TMEM135: variants seen among roughly 807,000 people sequenced by gnomAD.
The protein encoded by TMEM135 is peroxisomal membrane protein 52.
Under a neutral mutation model 60.3 loss-of-function variants are expected in TMEM135, and 30 were observed. That is an observed-to-expected ratio of 0.50 (90% CI 0.37 to 0.68). The LOEUF (loss-of-function observed/expected upper bound fraction) is 0.68, where lower values mean the gene tolerates loss of function less well. Among genes scored for constraint, TMEM135 ranks in the 30% least tolerant of loss-of-function variants. TMEM135 has a pLI of 0.00. For synonymous variants in TMEM135, 190 were observed against 186.7 expected (o/e 1.02, Z -0.14); for missense variants, 468 against 548.8 (o/e 0.85, Z 1.47).
intron 1 of TMEM135, among the ~76,000 whole-genome samples, chr11:87,062,015 T>G (rs1228695372): frequency 1.3e-5 from 2 of 152,162 alleles, no homozygotes; most frequent in African/African-American, 2.4e-5. Flanking sequence ...TGGGTACTTT[T>G]TTTTTCTTGA....
rs1418821309 is a variant in TMEM135 at position 87,327,407 on chromosome 11, A to G, written c.*6074A>G. 4.4e-6 allele frequency: 2 copies of G among 454,006 alleles called. No individual in the cohort carries two copies. Among genetic ancestry groups the G allele is most frequent in the African/African-American group, 2.0e-5 (1 of 50,016 alleles). 28.1% of individuals were successfully genotyped at this position (454,006 alleles called of 1,614,324 possible). On this transcript the variant is annotated 3_prime_UTR_variant, in exon 15 of 15. Transcript: ENST00000305494. Reference sequence around the variant, plus strand: ...TAGAAAGAACCTGCTTCTGTGAGCCACTGAATGGTGCCATTAACCATCTGC... The same window carrying G: ...TAGAAAGAACCTGCTTCTGTGAGCCGCTGAATGGTGCCATTAACCATCTGC...
Position 87,323,885 on chromosome 11 carries a change from C to A in TMEM135, c.*2552C>A. 1 of 451,918 alleles carries A rather than the reference C, an allele frequency of 2.2e-6. No individual in the cohort carries two copies. The highest frequency in any genetic ancestry group is 1.6e-5 in the South Asian group (1 of 63,514). 28.0% of individuals were successfully genotyped at this position (451,918 alleles called of 1,614,324 possible). On this transcript the variant is annotated 3_prime_UTR_variant, in exon 15 of 15. Coordinates refer to ENST00000305494, the MANE Select transcript of TMEM135 (RefSeq NM_022918.4). ...TATTTTCCCATAAATTCTGCTTTTG[C>A]TTCTGTAACTTTTTTCTTGAACTAT...
intron 5 of TMEM135, among the ~76,000 whole-genome samples, chr11:87,179,078 A>G (rs147891222): frequency 6.6e-6 from 1 of 152,294 alleles, no homozygotes; most frequent in African/African-American, 2.4e-5. Flanking sequence ...CATTCTAGAA[A>G]TGTATGGTAA....
chr11:87,149,082 G>C (rs1185610682), intron 4 of TMEM135, among the ~76,000 whole-genome samples: 1 of 151,246 alleles, frequency 6.6e-6, no homozygotes, highest in African/African-American at 2.4e-5. Context: ...GTGGAGAAAA[G>C]TTCCAGAGAT....
At chr11:87,145,997 A>G (rs1256692002) in intron 4 of TMEM135, among the ~76,000 whole-genome samples, 1 of 152,118 alleles carries the variant, frequency 6.6e-6, no homozygotes, top group Admixed American at 6.6e-5. Context: ...TCAAAAAGTC[A>G]TTGCCCAGAC....
intron 5 of TMEM135, among the ~76,000 whole-genome samples, chr11:87,195,324 TC>T: frequency 3.6e-5 from 1 of 27,876 alleles, no homozygotes; most frequent in Non-Finnish European, 8.5e-5. Flanking sequence ...TTTCCTTCCT[TC>T]CTTCCTTCCT....
intron 9 of TMEM135, among the ~76,000 whole-genome samples, chr11:87,307,129 G>C (rs1942562050): frequency 1.3e-5 from 2 of 152,090 alleles, no homozygotes. Context: ...ACAGAGTTGT[G>C]CAGCACCCCA....
At chr11:87,227,577 A>G (rs1940791248) in intron 5 of TMEM135, among the ~76,000 whole-genome samples, 1 of 152,156 alleles carries the variant, frequency 6.6e-6, no homozygotes, top group Non-Finnish European at 1.5e-5. Context: ...TGGACTGTAT[A>G]TTATGGGAGA....
rs1422809745 is a variant in TMEM135, at chr11:87,236,699, A to G, written c.509+15A>G. ...TTCTTTTTCAGGTATGTTCTGTTATACTTATTTACTTTAATACCCCAAACA... is the reference window on the plus strand; with the variant it reads ...TTCTTTTTCAGGTATGTTCTGTTATGCTTATTTACTTTAATACCCCAAACA... On this transcript the variant is annotated intron_variant, in intron 6 of 14. Transcript: ENST00000305494. The G allele has an allele frequency of 5.0e-6, 8 of 1,608,380 alleles. No homozygotes were observed. The East Asian group carries it at 8.9e-5, about 18-fold the overall frequency.
At chr11:87,117,305 A>G (rs1857914177) in intron 4 of TMEM135, among the ~76,000 whole-genome samples, 1 of 152,184 alleles carries the variant, frequency 6.6e-6, no homozygotes, top group South Asian at 2.1e-4. Context: ...TTTTTAATAT[A>G]AGACAACAAT....
intron 6 of TMEM135, among the ~76,000 whole-genome samples, chr11:87,275,904 C>T (rs1001437555): frequency 2.6e-5 from 4 of 152,042 alleles, no homozygotes; most frequent in East Asian, 3.9e-4. Context: ...TCAGGTGATC[C>T]GCCCGTCTAG....
intron 4 of TMEM135, among the ~76,000 whole-genome samples, chr11:87,142,133 G>C (rs920409443): frequency 6.6e-6 from 1 of 152,178 alleles, no homozygotes; most frequent in Non-Finnish European, 1.5e-5. Context: ...AAACTTGCTA[G>C]AGGGCATGGG....
At chr11:87,088,714 A>T (rs1857146380) in intron 3 of TMEM135, among the ~76,000 whole-genome samples, 1 of 152,182 alleles carries the variant, frequency 6.6e-6, no homozygotes, top group Non-Finnish European at 1.5e-5. Context: ...CAATCTCCAA[A>T]GATATTAGAA....
intron 5 of TMEM135, among the ~76,000 whole-genome samples, chr11:87,230,272 G>A (rs1940862145): frequency 6.6e-6 from 1 of 151,890 alleles, no homozygotes; most frequent in Admixed American, 6.6e-5. Flanking sequence ...TGTATTTGAG[G>A]TTCATCCATG....
chr11:87,052,880 C>T (rs911209867), intron 1 of TMEM135, among the ~76,000 whole-genome samples: 1 of 87,910 alleles, frequency 1.1e-5, no homozygotes, highest in Non-Finnish European at 2.2e-5. Flanking sequence ...TTTATTGCGG[C>T]ATTATTCACA....
rs386374401 is a variant in TMEM135 at position 87,222,181 on chromosome 11, CAAAAAAA to C, written c.463-14439_463-14433del. On this transcript the variant is annotated intron_variant, in intron 5 of 14. Transcript: ENST00000305494. Reference sequence around the variant, plus strand: ...TGGGCGAAAGAGCGAGACTCTGTCTCAAAAAAAAAAAAAAAAAAAAAAAATTATTGCT... The same window carrying C: ...TGGGCGAAAGAGCGAGACTCTGTCTCAAAAAAAAAAAAAAAAATTATTGCT... 1.8e-3 allele frequency among the ~76,000 whole-genome samples: 100 copies of C among 55,482 alleles called. 1 individual carries two copies. Among genetic ancestry groups the C allele is most frequent in the African/African-American group, 4.3e-3 (69 of 16,112 alleles). 36.4% of individuals were successfully genotyped at this position (55,482 alleles called of 152,430 possible). A position where few individuals can be genotyped will look rare whatever the true frequency, so the allele number is the denominator to read the frequency against.
chr11:87,282,649 T>C (rs1942082496), intron 6 of TMEM135, among the ~76,000 whole-genome samples: 1 of 152,258 alleles, frequency 6.6e-6, no homozygotes, highest in Admixed American at 6.5e-5. Context: ...CATTGTTCTC[T>C]ACTTCATTTA....
chr11:87,056,140 A>G lies in TMEM135; in HGVS notation c.142-11554A>G, dbSNP rs572790928. Among the ~76,000 whole-genome samples the G allele has an allele frequency of 4.3e-4, 65 of 152,330 alleles. 2 individuals are homozygous for G. In the South Asian group the frequency reaches 0.013, roughly 32 times the overall value. On this transcript the variant is annotated intron_variant, in intron 1 of 14. Coordinates refer to ENST00000305494, the MANE Select transcript of TMEM135 (RefSeq NM_022918.4). ...TATATTTTGCAAGAATTGATAAAGC[A>G]AAATTAGGAATGCCTTTGTTCTTCA...
At chr11:87,196,358 A>C (rs1425718209) in intron 5 of TMEM135, among the ~76,000 whole-genome samples, 3 of 152,136 alleles carry the variant, frequency 2.0e-5, no homozygotes, top group Non-Finnish European at 4.4e-5. Flanking sequence ...TATTAAGGTT[A>C]CAGTATCATT....
Sources: allele counts gnomAD v4.1 joint callset (sites outside exome capture counted in the v4.1 genomes callset), GRCh38; gene constraint gnomAD v4.1.1; transcripts MANE v1.5; gene names NCBI Gene and HGNC (gene_info 2026-07-23, HGNC 2026-07-21).